The following PCDHGB5 variants were observed in gnomAD, a reference collection of about 807,000 sequenced individuals.
The protein encoded by PCDHGB5 is protocadherin gamma subfamily B, 5.
In PCDHGB5, 48 loss-of-function variants were observed where a neutral mutation model predicts 62.9. The observed-to-expected ratio is 0.76, with a 90% CI of 0.61 to 0.97. The LOEUF (loss-of-function observed/expected upper bound fraction) is 0.97, where lower values mean the gene tolerates loss of function less well. Among genes scored for constraint, PCDHGB5 ranks in the 50% least tolerant of loss-of-function variants. The pLI, the probability that PCDHGB5 is intolerant of heterozygous loss-of-function variation, is 0.00. For missense variants in PCDHGB5, 1,118 were observed against 1,198.6 expected, an observed-to-expected ratio of 0.93 and a Z score of 0.99; for synonymous variants, 474 against 511.2, an observed-to-expected ratio of 0.93 and a Z score of 0.98.
Position 141,431,897 on chromosome 5 carries a change from G to A in PCDHGB5, c.2397+31373G>A. On this transcript the variant is annotated intron_variant, in intron 1 of 3. Transcript: ENST00000617380. This position sits in a 1 kb window ranked among gnomAD's most constrained non-coding sequence, Gnocchi z 4.8. ...AAATGACCAAGATTCTGAGGAAAAC[G>A]GACAGGTGATCTGTTTCATCCAAGG... is the stretch of plus-strand genomic sequence containing the variant. 6 of 1,613,830 alleles carry A rather than the reference G, an allele frequency of 3.7e-6. No individual in the cohort carries two copies. The highest frequency in any genetic ancestry group is 5.1e-6 in the Non-Finnish European group (6 of 1,179,704).
In PCDHGB5 at chr5:141,486,936, A is replaced by G; in HGVS notation, c.2398-7871A>G. 2 of 1,614,184 alleles carry G rather than the reference A, an allele frequency of 1.2e-6. No individual in the cohort carries two copies. Among genetic ancestry groups the G allele is most frequent in the Non-Finnish European group, 1.7e-6 (2 of 1,180,030 alleles). On this transcript the variant is annotated intron_variant, in intron 1 of 3. Transcript: ENST00000617380. This position sits in a 1 kb window ranked among gnomAD's most constrained non-coding sequence, Gnocchi z 5.0. ...CTGCCTCCATCAGTTGGTGCTGGCC[A>G]CCTAATCACAAAGGTGACTGCTGTG...
intron 3 of PCDHGB5, among the ~76,000 whole-genome samples, chr5:141,509,815 TCTC>T (rs1596250992): frequency 6.6e-6 from 1 of 152,226 alleles, no homozygotes; most frequent in East Asian, 1.9e-4. Flanking sequence ...GCCGAGCTCT[TCTC>T]CATCTTCTCT....
intron 3 of PCDHGB5, among the ~76,000 whole-genome samples, chr5:141,510,531 T>C (rs1459536719): frequency 6.6e-6 from 1 of 152,078 alleles, no homozygotes; most frequent in Non-Finnish European, 1.5e-5. Context: ...CTGAGAGAAA[T>C]ACCAGCGAAT....
At chr5:141,445,118 G>A (rs964726987) in intron 1 of PCDHGB5, among the ~76,000 whole-genome samples, 1 of 152,148 alleles carries the variant, frequency 6.6e-6, no homozygotes, top group Non-Finnish European at 1.5e-5. Flanking sequence ...ATTGTAAATA[G>A]TATTTTTAAA....
chr5:141,414,992 C>T, intron 1 of PCDHGB5: 2 of 1,613,770 alleles, frequency 1.2e-6, no homozygotes, highest in Non-Finnish European at 1.7e-6. Flanking sequence ...GGCCAGAACG[C>T]CTGGCTGTCC....
At chr5:141,423,567 C>T (rs771827702) in intron 1 of PCDHGB5, 4 of 1,613,602 alleles carry the variant, frequency 2.5e-6, no homozygotes, top group Admixed American at 1.7e-5. Flanking sequence ...GGGACACGCT[C>T]ATCAGCCAGG....
chr5:141,415,740 G>GTTTTTTTTTTTTTTTTTTTTT (rs57426385), intron 1 of PCDHGB5: 5 of 625,024 alleles, frequency 8.0e-6, no homozygotes, highest in Non-Finnish European at 8.5e-6. Flanking sequence ...GTTTATTAAG[G>GTTTTTTTTTTTTTTTTTTTTT]TTTTTTTTTT....
intron 1 of PCDHGB5, among the ~76,000 whole-genome samples, chr5:141,462,459 CTG>C (rs2099040203): frequency 6.6e-6 from 1 of 152,010 alleles, no homozygotes; most frequent in African/African-American, 2.4e-5. Flanking sequence ...TAACTGAAAA[CTG>C]TGTATTCTGC....
intron 1 of PCDHGB5, among the ~76,000 whole-genome samples, chr5:141,447,724 A>T (rs2098549653): frequency 6.6e-6 from 1 of 152,126 alleles, no homozygotes. Flanking sequence ...ATTTTCCAAA[A>T]CTCATTGAAC....
At chr5:141,502,024 C>G (rs2099812413) in intron 2 of PCDHGB5, among the ~76,000 whole-genome samples, 1 of 152,152 alleles carries the variant, frequency 6.6e-6, no homozygotes, top group African/African-American at 2.4e-5. Context: ...TCCCTGCAAC[C>G]CCCGCCGCTT....
At chr5:141,446,822 A>G (rs976227044) in intron 1 of PCDHGB5, among the ~76,000 whole-genome samples, 1 of 152,206 alleles carries the variant, frequency 6.6e-6, no homozygotes, top group African/African-American at 2.4e-5. Flanking sequence ...TCAGATGGGT[A>G]GATCCTTATA....
chr5:141,487,864 C>A lies in PCDHGB5; in HGVS notation c.2398-6943C>A. On this transcript the variant is annotated intron_variant, in intron 1 of 3. Coordinates refer to ENST00000617380, the MANE Select transcript of PCDHGB5 (RefSeq NM_018925.3). The surrounding 1 kb of genome is among the most constrained non-coding windows in gnomAD (Gnocchi z 5.0). ...GTAAGAAATGAAAGTAATTGGTGAT[C>A]AAGAGCCAGGCTGTTGTGGAAGCAT... 1 of 899,610 alleles carries A rather than the reference C, an allele frequency of 1.1e-6. No individual in the cohort carries two copies. Among genetic ancestry groups the A allele is most frequent in the Non-Finnish European group, 1.7e-6 (1 of 599,584 alleles). The allele number at this position is 899,610 out of a possible 1,614,324, so 55.7% of individuals were successfully genotyped here.
At chr5:141,406,702 A>G (rs1430662433) in intron 1 of PCDHGB5, among the ~76,000 whole-genome samples, 1 of 152,242 alleles carries the variant, frequency 6.6e-6, no homozygotes. Context: ...TCTATAGTAT[A>G]TGCTTGCTCA....
chr5:141,472,994 AAAAG>A (rs1425445230), intron 1 of PCDHGB5, among the ~76,000 whole-genome samples: 7 of 151,692 alleles, frequency 4.6e-5, no homozygotes, highest in African/African-American at 1.7e-4. Context: ...AAAAAAAAAA[AAAAG>A]AAAGAAAAAG....
At position 141,399,539 on chromosome 5, in the gene PCDHGB5, G is replaced by A. The variant is rs1324095299; in HGVS notation, c.1412G>A (p.Cys471Tyr). ...CCTGGGGCCTCCATCGCGCAAGTCT[G>A]CGCCTCGGACCTGGACTTGGGGTTG... The part of the protein sequence containing the change: ...NPPGASIAQV[C>Y]ASDLDLGLNG... The change falls in exon 1 of 4, where the codon TGC (cysteine) becomes TAC (tyrosine). Residue 471 changes from cysteine to tyrosine, a missense_variant. Transcript: ENST00000617380. The A allele has an allele frequency of 1.2e-6, 2 of 1,614,050 alleles. No individual in the cohort carries two copies. The highest frequency in any genetic ancestry group is 1.7e-6 in the Non-Finnish European group (2 of 1,179,898).
intron 2 of PCDHGB5, among the ~76,000 whole-genome samples, chr5:141,504,689 G>A (rs1395389800): frequency 6.6e-6 from 1 of 151,502 alleles, no homozygotes; most frequent in South Asian, 2.1e-4. Context: ...TAAAATAGGA[G>A]GGGCAGGTTC....
intron 1 of PCDHGB5, among the ~76,000 whole-genome samples, chr5:141,438,655 T>C (rs1436221152): frequency 7.1e-6 from 1 of 140,042 alleles, no homozygotes; most frequent in Non-Finnish European, 1.5e-5. Flanking sequence ...CACACACATA[T>C]ATGTATATAT....
At position 141,491,894 on chromosome 5, in the gene PCDHGB5, C is replaced by T. The variant is rs1209251388; in HGVS notation, c.2398-2913C>T. The T allele has an allele frequency of 1.5e-5, 22 of 1,434,752 alleles. No individual in the cohort carries two copies. Among genetic ancestry groups the T allele is most frequent in the Admixed American group, 2.9e-5 (1 of 34,278 alleles). 88.9% of individuals were successfully genotyped at this position (1,434,752 alleles called of 1,614,324 possible). The stretch of plus-strand genomic sequence containing the variant: ...GCCGATTAAGGGATGGGGCTCCGAG[C>T]ACCGGGGGTGGTGGCGACTGTGGGC... On this transcript the variant is annotated intron_variant, in intron 1 of 3. Transcript: ENST00000617380. The surrounding 1 kb of genome is among the most constrained non-coding windows in gnomAD (Gnocchi z 6.9).
chr5:141,494,784 C>T, intron 1 of PCDHGB5, 23 bp from the exon 2 acceptor site: 1 of 1,614,110 alleles, frequency 6.2e-7, no homozygotes, highest in Non-Finnish European at 8.5e-7. Flanking sequence ...TACTCAGCCC[C>T]TTTCCCTCTG....
Sources: allele counts gnomAD v4.1 joint callset (sites outside exome capture counted in the v4.1 genomes callset), GRCh38; gene constraint gnomAD v4.1.1; non-coding constraint Gnocchi (gnomAD v3.1); transcripts MANE v1.5; gene names NCBI Gene and HGNC (gene_info 2026-07-23, HGNC 2026-07-21).